Variants in CMTM8 observed in about 807,000 individuals in gnomAD.
CMTM8 encodes the protein CKLF like MARVEL transmembrane domain containing 8.
CMTM8 carries 12 observed loss-of-function variants against 18.6 expected under a neutral mutation model. That is an observed-to-expected ratio of 0.65 (90% CI 0.41 to 1.05). The LOEUF is 1.05. Ranked by LOEUF, CMTM8 falls within the 50% of genes least tolerant of loss-of-function variation. The pLI, the probability that CMTM8 is intolerant of heterozygous loss-of-function variation, is 0.00. For missense variants in CMTM8, 217 were observed against 227.2 expected (o/e 0.95, Z 0.29); for synonymous variants, 87 against 90.6 (o/e 0.96, Z 0.23).
At chr3:32,316,486 C>T (rs934881078) in intron 1 of CMTM8, among the ~76,000 whole-genome samples, 8 of 152,156 alleles carry the variant, frequency 5.3e-5, no homozygotes, top group African/African-American at 9.7e-5. Context: ...AGATGTGCAA[C>T]TTTTTCAGAG....
At chr3:32,331,183 G>T (rs1423163520) in intron 1 of CMTM8, among the ~76,000 whole-genome samples, 2 of 152,128 alleles carry the variant, frequency 1.3e-5, no homozygotes, top group Non-Finnish European at 2.9e-5. Context: ...CTCAGAAAAA[G>T]ATATGCAAAT....
intron 2 of CMTM8, among the ~76,000 whole-genome samples, chr3:32,361,683 A>AG (rs1696935508): frequency 6.6e-6 from 1 of 152,140 alleles, no homozygotes; most frequent in Non-Finnish European, 1.5e-5. Flanking sequence ...TATCTTAACA[A>AG]TAGCTCATCC....
At chr3:32,284,636 G>A (rs542992088) in intron 1 of CMTM8, among the ~76,000 whole-genome samples, 1 of 152,276 alleles carries the variant, frequency 6.6e-6, no homozygotes, top group Admixed American at 6.5e-5. Context: ...ACCGACCTGT[G>A]ATCACAGCTC....
At chr3:32,334,205 T>C (rs1418489519) in intron 1 of CMTM8, among the ~76,000 whole-genome samples, 1 of 151,610 alleles carries the variant, frequency 6.6e-6, no homozygotes, top group Non-Finnish European at 1.5e-5. Context: ...CTCAAACTCC[T>C]GGCCTCAGGT....
intron 1 of CMTM8, among the ~76,000 whole-genome samples, chr3:32,281,071 G>C (rs4955273): frequency 0.98 from 149,146 of 152,146 alleles, 73,114 homozygotes; most frequent in East Asian, 1. Flanking sequence ...AACTCCCCAA[G>C]CCCCATCTCT....
chr3:32,275,380 A>C (rs915071561), intron 1 of CMTM8, among the ~76,000 whole-genome samples: 1 of 152,194 alleles, frequency 6.6e-6, no homozygotes, highest in Non-Finnish European at 1.5e-5. Context: ...TGCTGCTATT[A>C]GCTCTGTGAT....
chr3:32,366,515 C>T (rs1697040053), intron 2 of CMTM8, among the ~76,000 whole-genome samples: 1 of 152,194 alleles, frequency 6.6e-6, no homozygotes, highest in Non-Finnish European at 1.5e-5. Context: ...AAGAACTAGA[C>T]ATGCATGAGA....
chr3:32,327,949 G>A, intron 1 of CMTM8, among the ~76,000 whole-genome samples: 1 of 152,206 alleles, frequency 6.6e-6, no homozygotes, highest in Non-Finnish European at 1.5e-5. Context: ...AATGGCTCGT[G>A]CCTGTAATCC....
At chr3:32,292,937 T>C (rs141311879) in intron 1 of CMTM8, among the ~76,000 whole-genome samples, 1 of 152,314 alleles carries the variant, frequency 6.6e-6, no homozygotes, top group East Asian at 1.9e-4. Context: ...TACACATAGC[T>C]TCTCTTCCTG....
chr3:32,295,333 G>A (rs1039404482), intron 1 of CMTM8, among the ~76,000 whole-genome samples: 1 of 151,172 alleles, frequency 6.6e-6, no homozygotes, highest in Non-Finnish European at 1.5e-5. Context: ...TCGTGCACCT[G>A]TAGTCTCAGC....
intron 3 of CMTM8, among the ~76,000 whole-genome samples, chr3:32,368,292 G>A (rs1010010849): frequency 1.3e-5 from 2 of 152,152 alleles, no homozygotes; most frequent in South Asian, 2.1e-4. Flanking sequence ...AATTTAGTAA[G>A]TGGGGGAAGG....
intron 1 of CMTM8, among the ~76,000 whole-genome samples, chr3:32,338,456 T>C (rs1696430446): frequency 6.6e-6 from 1 of 152,166 alleles, no homozygotes; most frequent in Admixed American, 6.5e-5. Context: ...AATCATGTTC[T>C]CTGGAAGAAA....
rs374280525 is a variant in CMTM8 at position 32,298,337 on chromosome 3, G to T, written c.148-59036G>T. Among the ~76,000 whole-genome samples, 15 of 152,010 alleles carry T rather than the reference G, an allele frequency of 9.9e-5. No homozygotes were observed. The East Asian group carries it at 1.7e-3, about 18-fold the overall frequency. On this transcript the variant is annotated intron_variant, in intron 1 of 3. Coordinates refer to ENST00000307526, the MANE Select transcript of CMTM8 (RefSeq NM_178868.5). ...TCCACCCGCATTGGCCTCCCTAAGT[G>T]CTGGGATTACAGGCGTGAGCCATCA...
rs1273204011 is a variant in CMTM8, at chr3:32,260,371, GC to G, written c.147+21253del. On this transcript the variant is annotated intron_variant, in intron 1 of 3. Transcript: ENST00000307526. ...AATATTTTGCCTATATTTTTCATGT[GC>G]TTTAAAATATTTAACTTTAATATTG... 1.1e-4 allele frequency: 56 copies of G among 529,806 alleles called. No individual in the cohort carries two copies. The Admixed American group carries it at 1.8e-3, about 17-fold the overall frequency. The allele number at this position is 529,806 out of a possible 1,614,324, so 32.8% of individuals were successfully genotyped here. A position where few individuals can be genotyped will look rare whatever the true frequency, so the allele number is the denominator to read the frequency against.
intron 1 of CMTM8, among the ~76,000 whole-genome samples, chr3:32,253,746 A>G (rs1478019580): frequency 6.6e-6 from 1 of 151,916 alleles, no homozygotes; most frequent in African/African-American, 2.4e-5. Context: ...ATGTTGCCCA[A>G]GCTGGAGTGC....
In CMTM8 at chr3:32,318,644, G is replaced by A. The variant is rs779596453; in HGVS notation, c.148-38729G>A. Among the ~76,000 whole-genome samples, 129 of 144,964 alleles carry A rather than the reference G, an allele frequency of 8.9e-4. 1 individual carries two copies. The highest frequency in any genetic ancestry group is 1.5e-3 in the Non-Finnish European group (100 of 67,134). ...TGCGGTGGTGCGATCTTGGCTCACTGTAAGCTCCGCCTCCCAGGTTCACAC... is the reference window on the plus strand; with the variant it reads ...TGCGGTGGTGCGATCTTGGCTCACTATAAGCTCCGCCTCCCAGGTTCACAC... On this transcript the variant is annotated intron_variant, in intron 1 of 3. Coordinates refer to ENST00000307526, the MANE Select transcript of CMTM8 (RefSeq NM_178868.5).
At chr3:32,279,892 C>G (rs1321372010) in intron 1 of CMTM8, among the ~76,000 whole-genome samples, 1 of 148,526 alleles carries the variant, frequency 6.7e-6, no homozygotes, top group Non-Finnish European at 1.5e-5. Context: ...GAGATGATAT[C>G]TCATAGTGGT....
At chr3:32,327,255 T>G (rs1696180888) in intron 1 of CMTM8, among the ~76,000 whole-genome samples, 1 of 152,222 alleles carries the variant, frequency 6.6e-6, no homozygotes, top group African/African-American at 2.4e-5. Flanking sequence ...GAATAGTACT[T>G]CTCTGAGGCT....
chr3:32,303,358 T>C (rs1380391213), intron 1 of CMTM8, among the ~76,000 whole-genome samples: 1 of 152,242 alleles, frequency 6.6e-6, no homozygotes, highest in African/African-American at 2.4e-5. Context: ...GAGATATTTC[T>C]AGTATTTTTG....
Sources: gnomAD v4.1 joint callset for allele counts (sites outside exome capture counted in the v4.1 genomes callset) on GRCh38, gnomAD v4.1.1 for gene constraint, MANE v1.5 for transcripts, NCBI Gene and HGNC (gene_info 2026-07-23, HGNC 2026-07-21) for gene names.